TMEM196: variants seen among roughly 807,000 people sequenced by gnomAD.
The protein encoded by TMEM196 is transmembrane protein 196.
A neutral mutation model predicts 20.0 loss-of-function variants in TMEM196; 17 were observed. The observed-to-expected ratio is 0.85, with a 90% CI of 0.58 to 1.27. The LOEUF (loss-of-function observed/expected upper bound fraction) is 1.27, where lower values mean the gene tolerates loss of function less well. Among genes scored for constraint, TMEM196 ranks in the 50% most tolerant of loss-of-function variants. The probability of loss-of-function intolerance (pLI) is 0.00; values close to 1 mark genes in which losing one functional copy is unlikely to be tolerated. For synonymous variants in TMEM196, 113 were observed against 88.9 expected, an observed-to-expected ratio of 1.27 and a Z score of -1.52; for missense variants, 267 against 223.0, an observed-to-expected ratio of 1.20 and a Z score of -1.26.
At chr7:19,735,525 T>C (rs1784367098) in intron 1 of TMEM196, among the ~76,000 whole-genome samples, 1 of 152,194 alleles carries the variant, frequency 6.6e-6, no homozygotes, top group African/African-American at 2.4e-5. Flanking sequence ...TCCTTATTAC[T>C]ATTCTTTTCT....
intron 1 of TMEM196, among the ~76,000 whole-genome samples, chr7:19,739,848 C>G (rs1460504412): frequency 6.6e-6 from 1 of 151,990 alleles, no homozygotes; most frequent in Non-Finnish European, 1.5e-5. Context: ...CTTTACTGTT[C>G]GATAATCTTG....
chr7:19,748,567 C>T (rs897207065), intron 1 of TMEM196, among the ~76,000 whole-genome samples: 2 of 152,190 alleles, frequency 1.3e-5, no homozygotes, highest in East Asian at 3.9e-4. Flanking sequence ...CATGTCCACC[C>T]TCCTCTGTGT....
intron 1 of TMEM196, among the ~76,000 whole-genome samples, chr7:19,735,064 T>C (rs1784348874): frequency 6.6e-6 from 1 of 152,168 alleles, no homozygotes; most frequent in South Asian, 2.1e-4. Flanking sequence ...GTACAGATGA[T>C]GTAAGTAAAA....
At chr7:19,735,942 T>C (rs1784384378) in intron 1 of TMEM196, among the ~76,000 whole-genome samples, 1 of 152,122 alleles carries the variant, frequency 6.6e-6, no homozygotes, top group Non-Finnish European at 1.5e-5. Context: ...TAACCTTTAA[T>C]TTCATAACGT....
rs140749879 is a variant in TMEM196 at position 19,741,376 on chromosome 7, C to T, written c.148-11938G>A. 1.4e-4 allele frequency among the ~76,000 whole-genome samples: 21 copies of T among 152,186 alleles called. No homozygotes were observed. In the East Asian group the frequency reaches 3.9e-3, roughly 28 times the overall value. The stretch of plus-strand genomic sequence containing the variant: ...GATGAAATGAATGAATCAGTAAATG[C>T]ATTGATGAGTGTATTTACAGTATCC... On this transcript the variant is annotated intron_variant, in intron 1 of 4. Coordinates refer to ENST00000405844, the MANE Select transcript of TMEM196 (RefSeq NM_001363562.2).
At chr7:19,737,617 TA>T (rs1328610160) in intron 1 of TMEM196, among the ~76,000 whole-genome samples, 1 of 151,918 alleles carries the variant, frequency 6.6e-6, no homozygotes, top group African/African-American at 2.4e-5. Flanking sequence ...AAGACATGGG[TA>T]GAATGTAAAT....
intron 1 of TMEM196, among the ~76,000 whole-genome samples, chr7:19,747,265 AT>A (rs1173633755): frequency 1.0e-4 from 12 of 115,106 alleles, no homozygotes; most frequent in African/African-American, 2.8e-4. Flanking sequence ...AAAAAAATAA[AT>A]AAATAAAATA....
At chr7:19,759,289 T>A (rs940856387) in intron 1 of TMEM196, among the ~76,000 whole-genome samples, 3 of 152,124 alleles carry the variant, frequency 2.0e-5, no homozygotes, top group African/African-American at 7.2e-5. Flanking sequence ...TACAAGGAAG[T>A]CTCTCCTTCG....
At position 19,751,635 on chromosome 7, in the gene TMEM196, C is replaced by G. The variant is rs559602211; in HGVS notation, c.147+20915G>C. On this transcript the variant is annotated intron_variant, in intron 1 of 4. Coordinates refer to ENST00000405844, the MANE Select transcript of TMEM196 (RefSeq NM_001363562.2). ...TGCTTATGATATTTTTGGTATATTT[C>G]TAATGTCCAATAAACTATAAATAAA... 1.5e-4 allele frequency among the ~76,000 whole-genome samples: 23 copies of G among 152,198 alleles called. No homozygotes were observed. In the South Asian group the frequency reaches 3.9e-3, roughly 26 times the overall value.
chr7:19,740,062 C>T (rs1209839294), intron 1 of TMEM196, among the ~76,000 whole-genome samples: 2 of 152,170 alleles, frequency 1.3e-5, no homozygotes, highest in South Asian at 2.1e-4. Flanking sequence ...GATCCATGTG[C>T]CATATTATTT....
intron 1 of TMEM196, among the ~76,000 whole-genome samples, chr7:19,767,916 T>C (rs1333509058): frequency 6.6e-6 from 1 of 152,066 alleles, no homozygotes; most frequent in Non-Finnish European, 1.5e-5. Context: ...AATAATACTT[T>C]GGAGCAGCTA....
intron 1 of TMEM196, among the ~76,000 whole-genome samples, chr7:19,762,953 T>C (rs1156929046): frequency 6.6e-6 from 1 of 152,190 alleles, no homozygotes; most frequent in African/African-American, 2.4e-5. Flanking sequence ...GTCATGGCAT[T>C]AGGAACTTGC....
At chr7:19,755,840 C>T (rs1785187984) in intron 1 of TMEM196, among the ~76,000 whole-genome samples, 1 of 152,040 alleles carries the variant, frequency 6.6e-6, no homozygotes, top group Non-Finnish European at 1.5e-5. Context: ...ACCAGCCTGG[C>T]CCACATGGCA....
Position 19,751,512 on chromosome 7 carries a change from G to A in TMEM196, c.147+21038C>T, listed in dbSNP as rs181700245. 6.0e-3 allele frequency among the ~76,000 whole-genome samples: 909 copies of A among 152,296 alleles called. 3 individuals carry two copies. Among genetic ancestry groups the A allele is most frequent in the Non-Finnish European group, 9.6e-3 (654 of 68,020 alleles). ...GTGGGACTTATAGCAGCTAATTAAA[G>A]TCTCTGACTCTCAATTTTCCCATTG... On this transcript the variant is annotated intron_variant, in intron 1 of 4. Transcript: ENST00000405844.
At chr7:19,731,565 T>A (rs943139552) in intron 1 of TMEM196, among the ~76,000 whole-genome samples, 1 of 152,230 alleles carries the variant, frequency 6.6e-6, no homozygotes, top group African/African-American at 2.4e-5. Flanking sequence ...GTCCCATTTA[T>A]CCAGAACTCA....
rs184853291 is a variant in TMEM196 at position 19,722,835 on chromosome 7, T to C, written c.534-701A>G. 3.9e-5 allele frequency among the ~76,000 whole-genome samples: 6 copies of C among 152,294 alleles called. No homozygotes were observed. The East Asian group carries it at 7.7e-4, about 20-fold the overall frequency. On this transcript the variant is annotated intron_variant, in intron 4 of 4. Transcript: ENST00000405844. Reference sequence around the variant, plus strand: ...TATATGAAATACATTATGAAAAATTTTGATGCTTTTAATTCATATGTTTTG... The same window carrying C: ...TATATGAAATACATTATGAAAAATTCTGATGCTTTTAATTCATATGTTTTG...
chr7:19,728,841 A>G (rs1784089038), intron 2 of TMEM196, among the ~76,000 whole-genome samples: 1 of 152,222 alleles, frequency 6.6e-6, no homozygotes, highest in Non-Finnish European at 1.5e-5. Flanking sequence ...CCACTATAGT[A>G]CCATAAAACA....
At chr7:19,732,462 A>G (rs539703084) in intron 1 of TMEM196, among the ~76,000 whole-genome samples, 19 of 151,630 alleles carry the variant, frequency 1.3e-4, no homozygotes, top group African/African-American at 3.9e-4. Flanking sequence ...AGTCGCAGCT[A>G]CTCTGGAGGG....
chr7:19,730,361 A>G (rs1343419801), intron 1 of TMEM196, among the ~76,000 whole-genome samples: 1 of 152,232 alleles, frequency 6.6e-6, no homozygotes, highest in Non-Finnish European at 1.5e-5. Flanking sequence ...AAAGGCAGTC[A>G]CATCAGATTA....
Sources: gnomAD v4.1 joint callset for allele counts (sites outside exome capture counted in the v4.1 genomes callset) on GRCh38, gnomAD v4.1.1 for gene constraint, MANE v1.5 for transcripts, NCBI Gene and HGNC (gene_info 2026-07-23, HGNC 2026-07-21) for gene names.